The following CABIN1 variants were observed in gnomAD, a reference collection of about 807,000 sequenced individuals.
CABIN1 encodes calcineurin-binding protein cabin-1.
Under a neutral mutation model 227.7 loss-of-function variants are expected in CABIN1, and 133 were observed. The ratio of observed to expected loss-of-function variants is 0.58; its 90% CI spans 0.51 to 0.67. The LOEUF is 0.67. CABIN1 is among the 30% of genes least tolerant of loss of function. CABIN1 has a pLI of 0.00. For synonymous variants in CABIN1, 1,086 were observed against 1,155.1 expected (o/e 0.94, Z 1.21); for missense variants, 2,408 against 2,852.5 (o/e 0.84, Z 3.55).
At chr22:24,073,802 G>A (rs1370954730) in intron 18 of CABIN1, among the ~76,000 whole-genome samples, 1 of 152,128 alleles carries the variant, frequency 6.6e-6, no homozygotes, top group Non-Finnish European at 1.5e-5. Flanking sequence ...CATGGGGATT[G>A]GATATGGGAA....
intron 29 of CABIN1, among the ~76,000 whole-genome samples, chr22:24,145,304 G>A (rs1194455284): frequency 6.6e-6 from 1 of 152,212 alleles, no homozygotes; most frequent in Non-Finnish European, 1.5e-5. Flanking sequence ...GGCAGAGGCA[G>A]CAGGAGCACT....
intron 34 of CABIN1, among the ~76,000 whole-genome samples, chr22:24,172,331 G>T (rs1221182709): frequency 6.6e-6 from 1 of 152,222 alleles, no homozygotes; most frequent in Non-Finnish European, 1.5e-5. Context: ...AGGAAGGATG[G>T]CTTGGTCAGG....
Position 24,070,890 on chromosome 22 carries a change from G to A in CABIN1, c.2323G>A (p.Gly775Ser), listed in dbSNP as rs763463667. The A allele has an allele frequency of 1.9e-6, 3 of 1,614,240 alleles. No individual in the cohort carries two copies. The highest frequency in any genetic ancestry group is 1.7e-6 in the Non-Finnish European group (2 of 1,180,046). The change falls in exon 17 of 37, where the codon GGT becomes AGT. Residue 775 changes from glycine to serine, a missense_variant. By Grantham distance (56) the Gly-to-Ser change is moderately conservative (BLOSUM62 0). Transcript: ENST00000263119. ...GGCTGTCCAGCAGATGGTGAACTCA[G>A]GTGAGGCTGCCGCCAAGGAGGAGTG... is the stretch of plus-strand genomic sequence containing the variant. ...NEAVQQMVNS[G>S]EAAAKEEWVA... is the part of the protein sequence containing the mutation.
intron 1 of CABIN1, among the ~76,000 whole-genome samples, chr22:24,025,656 G>A (rs1386545541): frequency 1.3e-5 from 2 of 152,128 alleles, no homozygotes; most frequent in Non-Finnish European, 2.9e-5. Flanking sequence ...GTTCAGTCAG[G>A]TTGCAAAGTT....
chr22:24,016,761 A>G (rs1007287114), intron 1 of CABIN1, among the ~76,000 whole-genome samples: 7 of 152,240 alleles, frequency 4.6e-5, no homozygotes, highest in Admixed American at 3.9e-4. Flanking sequence ...CCAACAGTGT[A>G]TGAGAATAGC....
chr22:24,117,492 G>A (rs895528627), intron 27 of CABIN1, among the ~76,000 whole-genome samples: 4 of 151,526 alleles, frequency 2.6e-5, no homozygotes, highest in Admixed American at 6.6e-5. Context: ...GAGCCACCAC[G>A]CCCAGCCTAA....
chr22:24,048,328 T>C (rs975347091), intron 6 of CABIN1, among the ~76,000 whole-genome samples: 6 of 152,212 alleles, frequency 3.9e-5, no homozygotes, highest in African/African-American at 1.4e-4. Context: ...GCACACTCCT[T>C]GACCATCTAT....
At chr22:24,136,795 C>G (rs140617027) in intron 29 of CABIN1, among the ~76,000 whole-genome samples, 2 of 152,068 alleles carry the variant, frequency 1.3e-5, no homozygotes, top group Non-Finnish European at 2.9e-5. Flanking sequence ...ACCTATGAAG[C>G]ACTGCCTTGA....
Position 24,059,313 on chromosome 22 carries a change from G to T in CABIN1, c.1349G>T (p.Ser450Ile). 1.2e-6 allele frequency: 2 copies of T among 1,614,174 alleles called. No individual in the cohort carries two copies. Among genetic ancestry groups the T allele is most frequent in the Non-Finnish European group, 1.7e-6 (2 of 1,180,010 alleles). ...QSEAKLESFP[S>I]IGPQRLSFDS... ...GAAGCCAAACTGGAAAGCTTCCCAA[G>T]CATTGGGCCTCAAAGGCTGTCATTT... The change falls in exon 11 of 37, where the codon AGC becomes ATC. Residue 450 changes from serine (S) to isoleucine (I), a missense_variant. By Grantham distance (142) the Ser-to-Ile change is moderately radical (BLOSUM62 -2). Around this residue, in one of 3 missense-constraint regions of CABIN1, gnomAD observed 1,045 missense variants for 1,168.4 expected, o/e 0.89. Transcript: ENST00000263119.
chr22:24,092,839 A>T (rs1177564903), intron 24 of CABIN1, among the ~76,000 whole-genome samples: 1 of 151,858 alleles, frequency 6.6e-6, no homozygotes, highest in African/African-American at 2.4e-5. Flanking sequence ...GTATGTCCGA[A>T]TTTTTTCCTA....
rs776096239 is a variant in CABIN1 at position 24,038,400 on chromosome 22, A to T, written c.149A>T (p.Asp50Val). ...AAGGCCCTTGATCTGCAGAAACATG[A>T]CCGGTTTGAGGAGTCTGCCAAAGCC... The part of the protein sequence containing the change: ...YHKALDLQKH[D>V]RFEESAKAYH... The change falls in exon 4 of 37, where the codon GAC becomes GTC. Residue 50 changes from aspartate (D) to valine (V), a missense_variant. This residue lies in a region of CABIN1 where 1,045 missense variants were observed against 1,168.4 expected (regional missense o/e 0.89). Transcript: ENST00000263119. 1 of 1,614,080 alleles carries T rather than the reference A, an allele frequency of 6.2e-7. No individual in the cohort carries two copies. The highest frequency in any genetic ancestry group is 2.2e-5 in the East Asian group (1 of 44,880).
In CABIN1 at chr22:24,157,272, C is replaced by G. The variant is rs558933315; in HGVS notation, c.4747-7128C>G. 2.7e-4 allele frequency among the ~76,000 whole-genome samples: 41 copies of G among 152,318 alleles called. No homozygotes were observed. In the South Asian group the frequency reaches 7.2e-3, roughly 27 times the overall value. On this transcript the variant is annotated intron_variant, in intron 29 of 36. Coordinates refer to ENST00000263119, the MANE Select transcript of CABIN1 (RefSeq NM_012295.4). ...ACAGGACTGCGGGAGGGGCCAGACC[C>G]TCAGCTCCTCAGGGCATCAGGAAGA...
intron 17 of CABIN1, 73 bp downstream of exon 17, chr22:24,071,115 G>GT: frequency 6.2e-7 from 1 of 1,600,092 alleles, no homozygotes; most frequent in East Asian, 2.2e-5. Context: ...TTCTTCAGTA[G>GT]TTCATAGCTT....
rs377576063 is a variant in CABIN1, at chr22:24,090,659, T to C, written c.3526-924T>C. Among the ~76,000 whole-genome samples, 93 of 151,990 alleles carry C rather than the reference T, an allele frequency of 6.1e-4. 1 individual carries two copies. In the South Asian group the frequency reaches 0.019, roughly 30 times the overall value. Reference sequence around the variant, plus strand: ...ACTGGAGAGACATCCAAGGGCCGGCTCAACCTGGCTGGATGAGAACATGAG... The same window carrying C: ...ACTGGAGAGACATCCAAGGGCCGGCCCAACCTGGCTGGATGAGAACATGAG... On this transcript the variant is annotated intron_variant, in intron 23 of 36. Coordinates refer to ENST00000263119, the MANE Select transcript of CABIN1 (RefSeq NM_012295.4).
At chr22:24,114,404 G>T (rs538004017) in intron 27 of CABIN1, among the ~76,000 whole-genome samples, 26 of 152,156 alleles carry the variant, frequency 1.7e-4, no homozygotes, top group African/African-American at 6.0e-4. Context: ...CAGGGCCAGG[G>T]CTTACACGTG....
At chr22:24,089,597 C>T (rs1432048814) in intron 23 of CABIN1, among the ~76,000 whole-genome samples, 1 of 152,172 alleles carries the variant, frequency 6.6e-6, no homozygotes, top group African/African-American at 2.4e-5. Context: ...CTTGTGCCTC[C>T]TGGGTTTTTT....
chr22:24,166,260 C>T (rs899249214), intron 31 of CABIN1, among the ~76,000 whole-genome samples: 5 of 152,176 alleles, frequency 3.3e-5, no homozygotes, highest in Middle Eastern at 3.2e-3. Context: ...CTGGGCAGGT[C>T]CCCTCCCATA....
At chr22:24,165,416 C>A in intron 30 of CABIN1, 114 bp from the exon 31 acceptor site, 1 of 968,212 alleles carries the variant, frequency 1.0e-6, no homozygotes, top group Non-Finnish European at 1.6e-6. Context: ...AGGTGGAACA[C>A]TGAGGAACAA....
rs2038130666 is a variant in CABIN1, at chr22:24,049,204, A to G, written c.640A>G (p.Arg214Gly). 6.2e-7 allele frequency: 1 copy of G among 1,613,934 alleles called. No homozygotes were observed. The highest frequency in any genetic ancestry group is 8.5e-7 in the Non-Finnish European group (1 of 1,179,960). ...GCCTTGTCTCCGGAAGGACTCTCTC[A>G]GAATGTTCCTCAAATGGTAAGTCCT... is the stretch of plus-strand genomic sequence containing the variant. ...EQPCLRKDSLRMFLKCDMSIH... is the reference protein window; with the variant it reads ...EQPCLRKDSLGMFLKCDMSIH... The change falls in exon 7 of 37, where the codon AGA becomes GGA. Residue 214 changes from arginine (R) to glycine (G), a missense_variant. Arg to Gly is a moderately radical substitution (Grantham distance 125). Around this residue, in one of 3 missense-constraint regions of CABIN1, gnomAD observed 1,045 missense variants for 1,168.4 expected, o/e 0.89. Coordinates refer to ENST00000263119, the MANE Select transcript of CABIN1 (RefSeq NM_012295.4).
Sources: gnomAD v4.1 joint callset for allele counts (sites outside exome capture counted in the v4.1 genomes callset) on GRCh38, gnomAD v4.1.1 for gene constraint, gnomAD v4.1.1 regional missense constraint, MANE v1.5 for transcripts, NCBI Gene and HGNC (gene_info 2026-07-23, HGNC 2026-07-21) for gene names.